The following AGER variants were observed in gnomAD, a reference collection of about 807,000 sequenced individuals.
The protein encoded by AGER is advanced glycation end product-specific receptor.
In AGER, 46 loss-of-function variants were observed where a neutral mutation model predicts 48.8. The ratio of observed to expected loss-of-function variants is 0.94; its 90% CI spans 0.74 to 1.20. The LOEUF is 1.20. AGER is among the 50% of genes most tolerant of loss of function. The pLI is 0.00. For synonymous variants in AGER, 170 were observed against 199.9 expected (o/e 0.85, Z 1.26); for missense variants, 489 against 515.0 (o/e 0.95, Z 0.49).
At position 32,182,849 on chromosome 6, in the gene AGER, CG is replaced by C; in HGVS notation, c.682del (p.Arg228ValfsTer22). The part of the protein sequence containing the change: ...RALRTAPIQP[R>X]VWEPVPLEEV... Reference sequence around the variant, plus strand: ...TCCCCACCTATGCTCACCCCAGACACGGGGCTGGATGGGGGCTGTGCGCAAG... The same window carrying C: ...TCCCCACCTATGCTCACCCCAGACACGGGCTGGATGGGGGCTGTGCGCAAG... On this transcript the variant is annotated frameshift_variant, in exon 6 of 11. Transcript: ENST00000375076. LOFTEE classifies it high-confidence loss of function. This position sits in a 1 kb window ranked among gnomAD's most constrained non-coding sequence, Gnocchi z 5.1. The C allele has an allele frequency of 1.2e-6, 2 of 1,612,136 alleles. No individual in the cohort carries two copies.
Position 32,183,676 on chromosome 6 carries a change from GA to G in AGER, c.233del (p.Val78AlafsTer25), listed in dbSNP as rs1477333481. Reference protein sequence around the residue: ...GGGPWDSVARVLPNGSLFLPA... With the variant: ...GGGPWDSVARXLPNGSLFLPA... ...GAAGGAAGAGGGAGCCGTTGGGAAG[GA>G]CACGAGCCACACTGTCCCAGGGGCC... On this transcript the variant is annotated frameshift_variant, in exon 3 of 11. Transcript: ENST00000375076. LOFTEE classifies it high-confidence loss of function. The G allele has an allele frequency of 4.3e-6, 7 of 1,612,952 alleles. No individual in the cohort carries two copies. The highest frequency in any genetic ancestry group is 5.9e-6 in the Non-Finnish European group (7 of 1,180,034).
At position 32,183,026 on chromosome 6, in the gene AGER, A is replaced by G. The variant is rs1786539492; in HGVS notation, c.509-3T>C. ...GGTCTGTTCCTTCACAGATACTCCTATGATGGGAGGATAAGACAAATTATC... is the reference window on the plus strand; with the variant it reads ...GGTCTGTTCCTTCACAGATACTCCTGTGATGGGAGGATAAGACAAATTATC... On this transcript the variant is annotated splice_region_variant and splice_polypyrimidine_tract_variant and intron_variant, in intron 5 of 10. Coordinates refer to ENST00000375076, the MANE Select transcript of AGER (RefSeq NM_001136.5). 1 of 1,613,074 alleles carries G rather than the reference A, an allele frequency of 6.2e-7. No individual in the cohort carries two copies. Among genetic ancestry groups the G allele is most frequent in the Non-Finnish European group, 8.5e-7 (1 of 1,180,006 alleles).
In AGER at chr6:32,184,203, A is replaced by C; in HGVS notation, c.20T>G (p.Val7Gly). The change falls in exon 1 of 11, where the codon GTT becomes GGT. Residue 7 changes from valine to glycine, a missense_variant. Coordinates refer to ENST00000375076, the MANE Select transcript of AGER (RefSeq NM_001136.5). The part of the protein sequence containing the change: MAAGTA[V>G]GAWVLVLSLW... ...ACTGAGGACCAGCACCCAGGCTCCA[A>C]CTGCTGTTCCGGCAGCCATCCTGCT... 6.2e-7 allele frequency: 1 copy of C among 1,612,820 alleles called. No homozygotes were observed. Among genetic ancestry groups the C allele is most frequent in the Non-Finnish European group, 8.5e-7 (1 of 1,179,846 alleles).
rs1236437480 is a variant in AGER, at chr6:32,183,383, G to A, written c.361C>T (p.Pro121Ser). 6.2e-7 allele frequency: 1 copy of A among 1,613,084 alleles called. No individual in the cohort carries two copies. The change falls in exon 4 of 11, where the codon CCT (proline) becomes TCT (serine). Residue 121 changes from proline (P) to serine (S), a missense_variant. By Grantham distance (74) the Pro-to-Ser change is moderately conservative. Transcript: ENST00000375076. Reference protein sequence around the residue: ...SNYRVRVYQIPGKPEIVDSAS... With the variant: ...SNYRVRVYQISGKPEIVDSAS... Reference sequence around the variant, plus strand: ...GAATCTACAATTTCTGGCTTCCCAGGAATCTCTGAAGGAGGAAAAATCCAG... The same window carrying A: ...GAATCTACAATTTCTGGCTTCCCAGAAATCTCTGAAGGAGGAAAAATCCAG...
In AGER at chr6:32,181,485, G is replaced by A. The variant is rs1439180286; in HGVS notation, c.992-8C>T. On this transcript the variant is annotated splice_polypyrimidine_tract_variant and splice_region_variant and intron_variant, in intron 9 of 10. Coordinates refer to ENST00000375076, the MANE Select transcript of AGER (RefSeq NM_001136.5). This position sits in a 1 kb window ranked among gnomAD's most constrained non-coding sequence, Gnocchi z 4.1. ...CTGATCCTCCCACAGAGCCTGTACG[G>A]AGACAGGGAAAATTGAGAGCACAGC... The A allele has an allele frequency of 1.9e-6, 3 of 1,613,204 alleles. No homozygotes were observed. The highest frequency in any genetic ancestry group is 2.5e-6 in the Non-Finnish European group (3 of 1,180,022).
Position 32,181,772 on chromosome 6 carries a change from C to G in AGER, c.965-140G>C, listed in dbSNP as rs1472552008. ...CACTTTTGTTGCCCAGGCTGGCATG[C>G]AATGGTGCGATCTTGGCTCATCGCA... On this transcript the variant is annotated intron_variant, in intron 8 of 10. Coordinates refer to ENST00000375076, the MANE Select transcript of AGER (RefSeq NM_001136.5). The surrounding 1 kb of genome is among the most constrained non-coding windows in gnomAD (Gnocchi z 4.1). The G allele has an allele frequency of 1.5e-5, 14 of 904,742 alleles. No homozygotes were observed. Among genetic ancestry groups the G allele is most frequent in the Non-Finnish European group, 2.3e-5 (14 of 597,694 alleles). 56.0% of individuals were successfully genotyped at this position (904,742 alleles called of 1,614,324 possible).
rs529787297 is a variant in AGER, at chr6:32,181,373, G to A, written c.1096C>T (p.Arg366Trp). ...CACCTCTCCTCTCCTCGGCGTTGCC[G>A]CCTTTGCCACAAGATGACCCCAATG... ...LLIGVILWQR[R>W]QRRGEERKAP... Residue 366 changes from arginine (R) to tryptophan (W), a missense_variant, in exon 10 of 11, where the codon CGG becomes TGG. Transcript: ENST00000375076. The surrounding 1 kb of genome is among the most constrained non-coding windows in gnomAD (Gnocchi z 4.1). The A allele has an allele frequency of 1.8e-4, 295 of 1,612,548 alleles. 4 individuals are homozygous for A. In the South Asian group the frequency reaches 2.8e-3, roughly 15 times the overall value.
At position 32,182,767 on chromosome 6, in the gene AGER, C is replaced by T; in HGVS notation, c.692-69G>A. The T allele has an allele frequency of 6.2e-7, 1 of 1,612,878 alleles. No individual in the cohort carries two copies. Among genetic ancestry groups the T allele is most frequent in the East Asian group, 2.2e-5 (1 of 44,884 alleles). The stretch of plus-strand genomic sequence containing the variant: ...GTGATCCCAGTGGCCATGGGCTTGA[C>T]TCCCTCTTTCCCTAAGGGTCAGACT... On this transcript the variant is annotated intron_variant, in intron 6 of 10. Coordinates refer to ENST00000375076, the MANE Select transcript of AGER (RefSeq NM_001136.5). The surrounding 1 kb of genome is among the most constrained non-coding windows in gnomAD (Gnocchi z 5.1).
Position 32,183,143 on chromosome 6 carries a change from T to C in AGER, c.479A>G (p.Asp160Gly). 1 of 1,613,076 alleles carries C rather than the reference T, an allele frequency of 6.2e-7. No individual in the cohort carries two copies. The highest frequency in any genetic ancestry group is 8.5e-7 in the Non-Finnish European group (1 of 1,180,016). Residue 160 changes from aspartate (D) to glycine (G), a missense_variant, in exon 5 of 11, where the codon GAT becomes GGT. Transcript: ENST00000375076. ...CTCATTAGGCACCAGGGGCTTCCCA[T>C]CCAAGTGCCAGCTAAGAGTCCCTGC... The part of the protein sequence containing the change: ...YPAGTLSWHL[D>G]GKPLVPNEKG...
rs1226482716 is a variant in AGER at position 32,182,403 on chromosome 6, G to A, written c.823-15C>T. Reference sequence around the variant, plus strand: ...AAGGGCACACCCTGGTGGGGGAAGGGGAGAGGAGACTATTTCAAAACCCTT... The same window carrying A: ...AAGGGCACACCCTGGTGGGGGAAGGAGAGAGGAGACTATTTCAAAACCCTT... On this transcript the variant is annotated splice_polypyrimidine_tract_variant and intron_variant, in intron 7 of 10. Coordinates refer to ENST00000375076, the MANE Select transcript of AGER (RefSeq NM_001136.5). The surrounding 1 kb of genome is among the most constrained non-coding windows in gnomAD (Gnocchi z 5.1). 3.1e-6 allele frequency: 5 copies of A among 1,605,896 alleles called. No homozygotes were observed. The highest frequency in any genetic ancestry group is 1.1e-5 in the South Asian group (1 of 90,714).
rs372879146 is a variant in AGER, at chr6:32,183,106, G to A, written c.508+8C>T. The A allele has an allele frequency of 6.2e-7, 1 of 1,613,040 alleles. No homozygotes were observed. Among genetic ancestry groups the A allele is most frequent in the South Asian group, 1.1e-5 (1 of 91,082 alleles). ...AGAAGGCAGCTTGGGGGGCACCTTA[G>A]GACTCACCCTTCTCATTAGGCACCA... On this transcript the variant is annotated splice_region_variant and intron_variant, in intron 5 of 10. Coordinates refer to ENST00000375076, the MANE Select transcript of AGER (RefSeq NM_001136.5).
chr6:32,181,995 A>T lies in AGER; in HGVS notation c.964+252T>A. 3.0e-6 allele frequency: 2 copies of T among 672,112 alleles called. No homozygotes were observed. The highest frequency in any genetic ancestry group is 2.6e-6 in the Non-Finnish European group (1 of 377,710). 41.6% of individuals were successfully genotyped at this position (672,112 alleles called of 1,614,324 possible). ...TGATCTGCCCGCCTCAGCCTCCCAA[A>T]GTGTTGGGATTACAGGCGTGAGCCA... On this transcript the variant is annotated intron_variant, in intron 8 of 10. Transcript: ENST00000375076. This position sits in a 1 kb window ranked among gnomAD's most constrained non-coding sequence, Gnocchi z 4.1.
rs559420109 is a variant in AGER at position 32,181,372 on chromosome 6, C to T, written c.1097G>A (p.Arg366Gln). The T allele has an allele frequency of 1.4e-5, 23 of 1,612,694 alleles. No individual in the cohort carries two copies. The highest frequency in any genetic ancestry group is 1.1e-4 in the African/African-American group (8 of 74,936). Reference sequence around the variant, plus strand: ...TCACCTCTCCTCTCCTCGGCGTTGCCGCCTTTGCCACAAGATGACCCCAAT... The same window carrying T: ...TCACCTCTCCTCTCCTCGGCGTTGCTGCCTTTGCCACAAGATGACCCCAAT... ...LLIGVILWQR[R>Q]QRRGEERKAP... The change falls in exon 10 of 11, where the codon CGG (arginine) becomes CAG (glutamine). Residue 366 changes from arginine to glutamine, a missense_variant. Physicochemically the swap from Arg to Gln is conservative, Grantham distance 43. Coordinates refer to ENST00000375076, the MANE Select transcript of AGER (RefSeq NM_001136.5). This position sits in a 1 kb window ranked among gnomAD's most constrained non-coding sequence, Gnocchi z 4.1.
chr6:32,181,584 C>A lies in AGER; in HGVS notation c.991+22G>T, dbSNP rs761224305. On this transcript the variant is annotated intron_variant, in intron 9 of 10. Coordinates refer to ENST00000375076, the MANE Select transcript of AGER (RefSeq NM_001136.5). The surrounding 1 kb of genome is among the most constrained non-coding windows in gnomAD (Gnocchi z 4.1). The stretch of plus-strand genomic sequence containing the variant: ...GTGTTGGGGGCTATCTTCTGCTTCC[C>A]TGACTTTATCAAACCCCTCACCTGC... 6.2e-7 allele frequency: 1 copy of A among 1,613,178 alleles called. No individual in the cohort carries two copies. The highest frequency in any genetic ancestry group is 8.5e-7 in the Non-Finnish European group (1 of 1,180,050).
intron 1 of AGER, 62 bp from the exon 2 acceptor site, chr6:32,184,049 G>A (rs1786771532): frequency 1.1e-5 from 17 of 1,610,740 alleles, no homozygotes. Flanking sequence ...AATTTGGACA[G>A]GGTGGGTGAG....
Position 32,182,474 on chromosome 6 carries a change from C to T in AGER, c.823-86G>A, listed in dbSNP as rs1786400474. The T allele has an allele frequency of 6.3e-7, 1 of 1,589,358 alleles. No homozygotes were observed. The highest frequency in any genetic ancestry group is 1.3e-5 in the African/African-American group (1 of 74,206). ...TCAGATACCCTCTCTTCCTCCTCAGCTCCTAGCCTGCCTTTCCCTCGTTAG... is the reference window on the plus strand; with the variant it reads ...TCAGATACCCTCTCTTCCTCCTCAGTTCCTAGCCTGCCTTTCCCTCGTTAG... On this transcript the variant is annotated intron_variant, in intron 7 of 10. Transcript: ENST00000375076. This position sits in a 1 kb window ranked among gnomAD's most constrained non-coding sequence, Gnocchi z 5.1.
Position 32,182,260 on chromosome 6 carries a change from G to A in AGER, c.951C>T (p.Ser317=), listed in dbSNP as rs1356749846. ...SHGPQESRAV[S]ISIIEPGEEG... The stretch of plus-strand genomic sequence containing the variant: ...GAGAGGTCTCACCGATGATGCTGAT[G>A]CTGACAGCACGGCTTTCCTGGGGCC... Residue 317 remains serine, a synonymous_variant, in exon 8 of 11, where the codon AGC becomes AGT. Transcript: ENST00000375076. The surrounding 1 kb of genome is among the most constrained non-coding windows in gnomAD (Gnocchi z 5.1). 2.1e-5 allele frequency: 34 copies of A among 1,612,798 alleles called. No homozygotes were observed. The highest frequency in any genetic ancestry group is 2.8e-5 in the Non-Finnish European group (33 of 1,180,044).
chr6:32,181,738 A>G lies in AGER; in HGVS notation c.965-106T>C, dbSNP rs1409591513. 3.3e-6 allele frequency: 4 copies of G among 1,206,040 alleles called. No homozygotes were observed. Among genetic ancestry groups the G allele is most frequent in the Admixed American group, 2.2e-5 (1 of 45,852 alleles). 74.7% of individuals were successfully genotyped at this position (1,206,040 alleles called of 1,614,324 possible). On this transcript the variant is annotated intron_variant, in intron 8 of 10. Coordinates refer to ENST00000375076, the MANE Select transcript of AGER (RefSeq NM_001136.5). This position sits in a 1 kb window ranked among gnomAD's most constrained non-coding sequence, Gnocchi z 4.1. Reference sequence around the variant, plus strand: ...CTTTCCCTTTCTTTTTTTTTTTGAGATGGAGTTTCACTTTTGTTGCCCAGG... The same window carrying G: ...CTTTCCCTTTCTTTTTTTTTTTGAGGTGGAGTTTCACTTTTGTTGCCCAGG...
Position 32,182,465 on chromosome 6 carries a change from C to A in AGER, c.823-77G>T. ...TCCATATCTTCAGATACCCTCTCTT[C>A]CTCCTCAGCTCCTAGCCTGCCTTTC... On this transcript the variant is annotated intron_variant, in intron 7 of 10. Transcript: ENST00000375076. The surrounding 1 kb of genome is among the most constrained non-coding windows in gnomAD (Gnocchi z 5.1). 1 of 1,587,582 alleles carries A rather than the reference C, an allele frequency of 6.3e-7. No homozygotes were observed. Among genetic ancestry groups the A allele is most frequent in the Non-Finnish European group, 8.6e-7 (1 of 1,165,546 alleles).
Sources: allele counts gnomAD v4.1 joint callset, GRCh38; gene constraint gnomAD v4.1.1; non-coding constraint Gnocchi (gnomAD v3.1); transcripts MANE v1.5; gene names NCBI Gene and HGNC (gene_info 2026-07-23, HGNC 2026-07-21).